The following MCF2L variants were observed in gnomAD, a reference collection of about 807,000 sequenced individuals.
MCF2L encodes guanine nucleotide exchange factor DBS.
A neutral mutation model predicts 153.4 loss-of-function variants in MCF2L; 97 were observed. That is an observed-to-expected ratio of 0.63 (90% CI 0.54 to 0.75). The LOEUF is 0.75. Ranked by LOEUF, MCF2L falls within the 30% of genes least tolerant of loss-of-function variation. The probability of loss-of-function intolerance (pLI) is 0.00; values close to 1 mark genes in which losing one functional copy is unlikely to be tolerated. For synonymous variants in MCF2L, 659 were observed against 632.2 expected (o/e 1.04, Z -0.64); for missense variants, 1,347 against 1,495.2 (o/e 0.90, Z 1.64).
chr13:112,937,612 T>A (rs1356330081), intron 2 of MCF2L, among the ~76,000 whole-genome samples: 1 of 152,234 alleles, frequency 6.6e-6, no homozygotes, highest in African/African-American at 2.4e-5. Flanking sequence ...TGATGGGTCC[T>A]GCCCAGGTCC....
At position 112,932,806 on chromosome 13, in the gene MCF2L, G is replaced by A. The variant is rs145359860; in HGVS notation, c.169+30435G>A. On this transcript the variant is annotated intron_variant, in intron 2 of 29. Transcript: ENST00000375608. This position sits in a 1 kb window ranked among gnomAD's most constrained non-coding sequence, Gnocchi z 4.6. ...AGCACTTTGGGAGGTCAACGCGGGT[G>A]GATCATCTGAGGTCAGGAGTTGAAG... 0.018 allele frequency among the ~76,000 whole-genome samples: 2,738 copies of A among 152,226 alleles called. 76 individuals are homozygous for A. The highest frequency in any genetic ancestry group is 0.062 in the African/African-American group (2,579 of 41,500).
intron 2 of MCF2L, chr13:112,909,357 C>T (rs1292043887): frequency 3.9e-6 from 3 of 775,820 alleles, no homozygotes; most frequent in South Asian, 1.3e-5. Context: ...ACCCGGCCTC[C>T]CCGCCCAGCA....
intron 1 of MCF2L, among the ~76,000 whole-genome samples, chr13:113,011,134 C>T (rs1012788421): frequency 6.6e-6 from 1 of 152,186 alleles, no homozygotes; most frequent in African/African-American, 2.4e-5. Context: ...CCATGAAGAA[C>T]GGAAGAAGGC....
intron 1 of MCF2L, among the ~76,000 whole-genome samples, chr13:112,976,218 C>A (rs1400889984): frequency 1.1e-4 from 16 of 150,778 alleles, no homozygotes; most frequent in African/African-American, 2.4e-5. Context: ...GTTTGCTTTA[C>A]TCCTTTATTA....
At chr13:112,984,991 TC>T in intron 1 of MCF2L, 1 of 175,418 alleles carries the variant, frequency 5.7e-6, no homozygotes, top group Non-Finnish European at 1.2e-5. Context: ...AATATGCTGC[TC>T]CCCAGGCACA....
At chr13:113,025,797 A>ATTG (rs2085233328) in intron 3 of MCF2L, among the ~76,000 whole-genome samples, 1 of 107,396 alleles carries the variant, frequency 9.3e-6, no homozygotes. Flanking sequence ...TTTCCCTGTC[A>ATTG]TGGGGTCCCC....
intron 1 of MCF2L, chr13:112,985,212 A>C: frequency 2.8e-6 from 1 of 352,726 alleles, no homozygotes; most frequent in South Asian, 2.1e-5. Context: ...CAGGAGGGTA[A>C]TTGCCTGGCG....
chr13:112,915,810 G>C lies in MCF2L; in HGVS notation c.169+13439G>C, dbSNP rs145786363. The stretch of plus-strand genomic sequence containing the variant: ...AGTAGTGATGTTCAGGTTTGGTGAT[G>C]CTGCCTTCTGTAATATCCCTATTCA... On this transcript the variant is annotated intron_variant, in intron 2 of 29. Transcript: ENST00000375608. 1.4e-3 allele frequency among the ~76,000 whole-genome samples: 216 copies of C among 152,314 alleles called. 3 individuals are homozygous for C. The highest frequency in any genetic ancestry group is 9.3e-3 in the Admixed American group (143 of 15,296).
chr13:112,902,362 A>G (rs975352453), exon 2 of MCF2L: 3 of 1,612,488 alleles, frequency 1.9e-6, no homozygotes, highest in Non-Finnish European at 2.5e-6. Flanking sequence ...GGCGACGGCC[A>G]TGGCCACAGG....
chr13:113,050,881 G>T (rs1001861524), intron 4 of MCF2L, among the ~76,000 whole-genome samples: 6 of 152,118 alleles, frequency 3.9e-5, no homozygotes, highest in African/African-American at 1.2e-4. Context: ...CCAGATGGAG[G>T]GGGGCGAGGA....
chr13:112,932,216 T>C lies in MCF2L; in HGVS notation c.169+29845T>C, dbSNP rs987586103. Among the ~76,000 whole-genome samples, 2 of 150,290 alleles carry C rather than the reference T, an allele frequency of 1.3e-5. No individual in the cohort carries two copies. Among genetic ancestry groups the C allele is most frequent in the African/African-American group, 4.9e-5 (2 of 40,780 alleles). On this transcript the variant is annotated intron_variant, in intron 2 of 29. Transcript: ENST00000375608. The surrounding 1 kb of genome is among the most constrained non-coding windows in gnomAD (Gnocchi z 4.6). ...GATGGCGACCAGGCGTGTAGACTCG[T>C]GCCCTGGGTAAGGCGTGACCGGGAT...
At chr13:112,926,348 G>T (rs1025163754) in intron 2 of MCF2L, among the ~76,000 whole-genome samples, 1 of 151,824 alleles carries the variant, frequency 6.6e-6, no homozygotes, top group South Asian at 2.1e-4. Context: ...CATACACAAC[G>T]GAGTGCTGCA....
chr13:112,978,895 G>T (rs1280765191), intron 1 of MCF2L, among the ~76,000 whole-genome samples: 2 of 152,220 alleles, frequency 1.3e-5, no homozygotes, highest in Non-Finnish European at 2.9e-5. Flanking sequence ...CCCTGTGTGT[G>T]CCCAGCACGG....
At position 113,054,915 on chromosome 13, in the gene MCF2L, C is replaced by T. The variant is rs1309712022; in HGVS notation, c.370-5678C>T. 1.3e-5 allele frequency: 2 copies of T among 152,168 alleles called. No individual in the cohort carries two copies. Among genetic ancestry groups the T allele is most frequent in the Admixed American group, 6.5e-5 (1 of 15,282 alleles). The allele number at this position is 152,168 out of a possible 1,614,324, so 9.4% of individuals were successfully genotyped here. A position where few individuals can be genotyped will look rare whatever the true frequency, so the allele number is the denominator to read the frequency against. On this transcript the variant is annotated intron_variant, in intron 4 of 29. Transcript: ENST00000535094. This position sits in a 1 kb window ranked among gnomAD's most constrained non-coding sequence, Gnocchi z 5.2. ...CATCCAGGTCAGCCCAGAAAATGAG[C>T]AATATTGTTTTCATGTTAGATAGAA...
At position 113,070,423 on chromosome 13, in the gene MCF2L, G is replaced by A; in HGVS notation, c.996+250G>A. The A allele has an allele frequency of 3.4e-6, 1 of 297,288 alleles. No individual in the cohort carries two copies. The highest frequency in any genetic ancestry group is 6.2e-6 in the Non-Finnish European group (1 of 161,504). The allele number at this position is 297,288 out of a possible 1,614,324, so 18.4% of individuals were successfully genotyped here. A position where few individuals can be genotyped will look rare whatever the true frequency, so the allele number is the denominator to read the frequency against. On this transcript the variant is annotated intron_variant, in intron 9 of 29. Coordinates refer to ENST00000535094, the MANE Select transcript of MCF2L (RefSeq NM_001112732.3). This position sits in a 1 kb window ranked among gnomAD's most constrained non-coding sequence, Gnocchi z 5.6. ...CAGCTCACTGGGATGCACTTACACT[G>A]CATTATTCGTAAAGTAGCAGGAAGC...
In MCF2L at chr13:112,941,264, G is replaced by A. The variant is rs896391545; in HGVS notation, c.169+38893G>A. ...CCTGTTCACAAAGCCCAGGGTACAG[G>A]TCTGTGTGGTGTGTGTGGTGGCACT... On this transcript the variant is annotated intron_variant, in intron 2 of 29. Coordinates refer to the MCF2L transcript ENST00000375608. This position sits in a 1 kb window ranked among gnomAD's most constrained non-coding sequence, Gnocchi z 4.9. 7.3e-5 allele frequency among the ~76,000 whole-genome samples: 11 copies of A among 151,332 alleles called. No homozygotes were observed. In the East Asian group the frequency reaches 2.1e-3, roughly 29 times the overall value.
chr13:112,909,813 G>A (rs1484937341), intron 2 of MCF2L: 1 of 153,250 alleles, frequency 6.5e-6, no homozygotes, highest in Non-Finnish European at 1.5e-5. Context: ...GCTAATTTTT[G>A]TATTTTTAGT....
chr13:113,026,991 C>T (rs769395644), intron 3 of MCF2L: 8 of 778,908 alleles, frequency 1.0e-5, no homozygotes, highest in South Asian at 6.7e-5. Context: ...ATGTCAGCCT[C>T]ACACCAGACA....
chr13:112,954,602 G>A (rs1460240439), intron 2 of MCF2L, among the ~76,000 whole-genome samples: 1 of 152,154 alleles, frequency 6.6e-6, no homozygotes, highest in Admixed American at 6.5e-5. Flanking sequence ...GCCCTCAGTG[G>A]GCTCTTCCCA....
Sources: allele counts gnomAD v4.1 joint callset (sites outside exome capture counted in the v4.1 genomes callset), GRCh38; gene constraint gnomAD v4.1.1; non-coding constraint Gnocchi (gnomAD v3.1); transcripts MANE v1.5; gene names NCBI Gene and HGNC (gene_info 2026-07-23, HGNC 2026-07-21).